Variants in MMP14 observed in about 807,000 individuals in gnomAD.
The protein encoded by MMP14 is matrix metalloproteinase-14.
Under a neutral mutation model 64.8 loss-of-function variants are expected in MMP14, and 13 were observed. That is an observed-to-expected ratio of 0.20 (90% CI 0.13 to 0.32). MMP14 has a LOEUF of 0.32. Ranked by LOEUF, MMP14 falls within the 10% of genes least tolerant of loss-of-function variation. The probability of loss-of-function intolerance (pLI) is 1.00; values close to 1 mark genes in which losing one functional copy is unlikely to be tolerated. For missense variants in MMP14, 594 were observed against 783.8 expected (o/e 0.76, Z 2.89); for synonymous variants, 322 against 315.9 (o/e 1.02, Z -0.20).
In MMP14 at chr14:22,838,101, C is replaced by A. The variant is rs1030595644; in HGVS notation, c.108+1176C>A. ...TCTGGGGCCGACTGGAAAAGTATGG[C>A]CCCAGGAATCGGGGTGGAAGACGAA... On this transcript the variant is annotated intron_variant, in intron 1 of 9. Transcript: ENST00000311852. Among the ~76,000 whole-genome samples the A allele has an allele frequency of 3.3e-5, 5 of 152,290 alleles. No individual in the cohort carries two copies. In the South Asian group the frequency reaches 1.0e-3, roughly 32 times the overall value.
Position 22,843,804 on chromosome 14 carries a change from G to A in MMP14, c.945G>A (p.Gly315=), listed in dbSNP as rs1230994025. Residue 315 remains glycine (G), a synonymous_variant, in exon 6 of 10, where the codon GGG becomes GGA. Coordinates refer to ENST00000311852, the MANE Select transcript of MMP14 (RefSeq NM_004995.4). This position sits in a 1 kb window ranked among gnomAD's most constrained non-coding sequence, Gnocchi z 4.8. The part of the protein sequence containing the change: ...VPDKPKNPTY[G]PNICDGNFDT... Reference sequence around the variant, plus strand: ...ATAAACCCAAAAACCCCACCTATGGGCCCAACATCTGTGACGGGAACTTTG... The same window carrying A: ...ATAAACCCAAAAACCCCACCTATGGACCCAACATCTGTGACGGGAACTTTG... 1 of 1,613,720 alleles carries A rather than the reference G, an allele frequency of 6.2e-7. No homozygotes were observed. Among genetic ancestry groups the A allele is most frequent in the Non-Finnish European group, 8.5e-7 (1 of 1,179,930 alleles).
At position 22,837,050 on chromosome 14, in the gene MMP14, G is replaced by T. The variant is rs369091683; in HGVS notation, c.108+125G>T. On this transcript the variant is annotated intron_variant, in intron 1 of 9. Coordinates refer to ENST00000311852, the MANE Select transcript of MMP14 (RefSeq NM_004995.4). ...GGATCTCCGCTGCTCAGGCCTGCAG[G>T]ATTCCCCCTCCCTTTCTTTTTCCTC... 1.2e-5 allele frequency: 9 copies of T among 749,700 alleles called. 1 individual carries two copies. The highest frequency in any genetic ancestry group is 6.3e-5 in the Admixed American group (3 of 47,314). The allele number at this position is 749,700 out of a possible 1,614,324, so 46.4% of individuals were successfully genotyped here. A position where few individuals can be genotyped will look rare whatever the true frequency, so the allele number is the denominator to read the frequency against.
At position 22,842,206 on chromosome 14, in the gene MMP14, G is replaced by T; in HGVS notation, c.380+171G>T. The T allele has an allele frequency of 1.9e-6, 2 of 1,060,790 alleles. No individual in the cohort carries two copies. The highest frequency in any genetic ancestry group is 2.7e-6 in the Non-Finnish European group (2 of 735,082). 65.7% of individuals were successfully genotyped at this position (1,060,790 alleles called of 1,614,324 possible). A position where few individuals can be genotyped will look rare whatever the true frequency, so the allele number is the denominator to read the frequency against. Reference sequence around the variant, plus strand: ...TCCTTGAGAGAGGTGTAGCCATCAAGGGTGCACCCCAGTGCCAGAGAGCCA... The same window carrying T: ...TCCTTGAGAGAGGTGTAGCCATCAATGGTGCACCCCAGTGCCAGAGAGCCA... On this transcript the variant is annotated intron_variant, in intron 3 of 9. Transcript: ENST00000311852. The surrounding 1 kb of genome is among the most constrained non-coding windows in gnomAD (Gnocchi z 5.3).
At position 22,845,251 on chromosome 14, in the gene MMP14, G is replaced by T. The variant is rs779735411; in HGVS notation, c.1302G>T (p.Lys434Asn). ...NGKTYFFRGN[K>N]YYRFNEELRA... ...CTGCCCTTCCTTTCCCCTTCCCCAGGTACTACCGTTTCAACGAAGAGCTCA... is the reference window on the plus strand; with the variant it reads ...CTGCCCTTCCTTTCCCCTTCCCCAGTTACTACCGTTTCAACGAAGAGCTCA... Residue 434 changes from lysine to asparagine, a missense_variant and splice_region_variant, in exon 9 of 10, where the codon AAG becomes AAT. By Grantham distance (94) the Lys-to-Asn change is moderately conservative. Transcript: ENST00000311852. 1 of 1,612,266 alleles carries T rather than the reference G, an allele frequency of 6.2e-7. No homozygotes were observed. The highest frequency in any genetic ancestry group is 1.1e-5 in the South Asian group (1 of 90,970).
At position 22,845,233 on chromosome 14, in the gene MMP14, T is replaced by G. The variant is rs753747016; in HGVS notation, c.1302-18T>G. 8 of 1,598,172 alleles carry G rather than the reference T, an allele frequency of 5.0e-6. No homozygotes were observed. The East Asian group carries it at 1.6e-4, about 31-fold the overall frequency. On this transcript the variant is annotated intron_variant, in intron 8 of 9. Transcript: ENST00000311852. ...CATGCCCAGTGTCCGCCACTGCCCT[T>G]CCTTTCCCCTTCCCCAGGTACTACC...
chr14:22,839,440 G>T (rs1014137457), intron 1 of MMP14, among the ~76,000 whole-genome samples: 3 of 152,238 alleles, frequency 2.0e-5, no homozygotes, highest in African/African-American at 7.2e-5. Flanking sequence ...GGCTCCCTCT[G>T]GTATACCAAA....
rs1172287069 is a variant in MMP14 at position 22,836,782 on chromosome 14, G to T, written c.-36G>T. ...CCCAGGGCGTGGGCCCGGCCGCGGA[G>T]CCCACACTGCCCGGCTGACCCGGTG... is the stretch of plus-strand genomic sequence containing the variant. On this transcript the variant is annotated 5_prime_UTR_variant, in exon 1 of 10. Transcript: ENST00000311852. 1 of 1,431,316 alleles carries T rather than the reference G, an allele frequency of 7.0e-7. No homozygotes were observed. Among genetic ancestry groups the T allele is most frequent in the South Asian group, 1.3e-5 (1 of 78,782 alleles). 88.7% of individuals were successfully genotyped at this position (1,431,316 alleles called of 1,614,324 possible).
chr14:22,844,211 CG>C (rs568069879), intron 6 of MMP14, among the ~76,000 whole-genome samples, 159 bp from the exon 7 acceptor site: 3 of 149,212 alleles, frequency 2.0e-5, no homozygotes, highest in Admixed American at 6.7e-5. Context: ...AAAAAAAAGG[CG>C]GGGGGGTACT....
At position 22,846,119 on chromosome 14, in the gene MMP14, C is replaced by A; in HGVS notation, c.*80C>A. The A allele has an allele frequency of 7.5e-7, 1 of 1,336,556 alleles. No homozygotes were observed. The highest frequency in any genetic ancestry group is 9.9e-7 in the Non-Finnish European group (1 of 1,007,734). The allele number at this position is 1,336,556 out of a possible 1,614,324, so 82.8% of individuals were successfully genotyped here. A position where few individuals can be genotyped will look rare whatever the true frequency, so the allele number is the denominator to read the frequency against. On this transcript the variant is annotated 3_prime_UTR_variant, in exon 10 of 10. Transcript: ENST00000311852. ...GTGGCAGCAGGTGGTGGTGGGTGGG[C>A]TGTTCCCATCGTCCCGAGCCCCCTC...
At chr14:22,840,124 G>A (rs1244906181) in intron 1 of MMP14, among the ~76,000 whole-genome samples, 5 of 151,906 alleles carry the variant, frequency 3.3e-5, no homozygotes, top group African/African-American at 7.3e-5. Flanking sequence ...CCACCACCAC[G>A]TGCAGCTAAT....
rs1330849971 is a variant in MMP14 at position 22,846,904 on chromosome 14, C to G, written c.*865C>G. On this transcript the variant is annotated 3_prime_UTR_variant, in exon 10 of 10. Transcript: ENST00000311852. ...TGAAGGCCACAGAGAAAGAACCTTG[C>G]CCAAACTCAGGCAGCTGGGGCTGAG... is the stretch of plus-strand genomic sequence containing the variant. 6.6e-6 allele frequency: 1 copy of G among 152,614 alleles called. No individual in the cohort carries two copies. The highest frequency in any genetic ancestry group is 6.5e-5 in the Admixed American group (1 of 15,290). 9.5% of individuals were successfully genotyped at this position (152,614 alleles called of 1,614,324 possible).
rs1357698185 is a variant in MMP14 at position 22,843,542 on chromosome 14, A to G, written c.850+124A>G. On this transcript the variant is annotated intron_variant, in intron 5 of 9. Transcript: ENST00000311852. This position sits in a 1 kb window ranked among gnomAD's most constrained non-coding sequence, Gnocchi z 4.8. The stretch of plus-strand genomic sequence containing the variant: ...CCCCTGCCAACCTGCCCCTGCCTCT[A>G]TCAGCTCCACTTTTGAGCCCATCTT... 1.4e-6 allele frequency: 2 copies of G among 1,401,126 alleles called. No individual in the cohort carries two copies. The highest frequency in any genetic ancestry group is 1.9e-6 in the Non-Finnish European group (2 of 1,028,044). 86.8% of individuals were successfully genotyped at this position (1,401,126 alleles called of 1,614,324 possible).
In MMP14 at chr14:22,846,298, A is replaced by G; in HGVS notation, c.*259A>G. 1 of 496,386 alleles carries G rather than the reference A, an allele frequency of 2.0e-6. No individual in the cohort carries two copies. Among genetic ancestry groups the G allele is most frequent in the Non-Finnish European group, 3.5e-6 (1 of 282,102 alleles). 30.7% of individuals were successfully genotyped at this position (496,386 alleles called of 1,614,324 possible). ...TTTCCAGCCTCTGCCCCTCAGGGGAACCCTGTAGCTTTGTGTCTGTCCAGC... is the reference window on the plus strand; with the variant it reads ...TTTCCAGCCTCTGCCCCTCAGGGGAGCCCTGTAGCTTTGTGTCTGTCCAGC... On this transcript the variant is annotated 3_prime_UTR_variant, in exon 10 of 10. Transcript: ENST00000311852.
chr14:22,837,091 C>G lies in MMP14; in HGVS notation c.108+166C>G, dbSNP rs1357031006. 1.4e-5 allele frequency: 10 copies of G among 702,926 alleles called. 1 individual carries two copies. Among genetic ancestry groups the G allele is most frequent in the Non-Finnish European group, 2.3e-5 (9 of 389,512 alleles). The allele number at this position is 702,926 out of a possible 1,614,324, so 43.5% of individuals were successfully genotyped here. A position where few individuals can be genotyped will look rare whatever the true frequency, so the allele number is the denominator to read the frequency against. ...CTTTTTCCTCTTCGTCTCCAAACTT[C>G]CAGATCGATCCAACTTTTGCCCGCT... On this transcript the variant is annotated intron_variant, in intron 1 of 9. Coordinates refer to ENST00000311852, the MANE Select transcript of MMP14 (RefSeq NM_004995.4).
chr14:22,840,669 C>T (rs2039766756), intron 1 of MMP14, among the ~76,000 whole-genome samples: 1 of 151,956 alleles, frequency 6.6e-6, no homozygotes, highest in African/African-American at 2.4e-5. Context: ...CCACCGTGCC[C>T]GGCTAATATT....
chr14:22,841,473 A>T lies in MMP14; in HGVS notation c.109-18A>T. 6.2e-7 allele frequency: 1 copy of T among 1,612,380 alleles called. No homozygotes were observed. The highest frequency in any genetic ancestry group is 2.2e-5 in the East Asian group (1 of 44,862). On this transcript the variant is annotated intron_variant, in intron 1 of 9. Transcript: ENST00000311852. ...GGGCCAGGTGGGGACACTCTAAGCC[A>T]TACCCCTTTCCCTACAGGCCTGGCT...
At position 22,845,853 on chromosome 14, in the gene MMP14, G is replaced by A. The variant is rs1156362088; in HGVS notation, c.1563G>A (p.Glu521=). The change falls in exon 10 of 10, where the codon GAG becomes GAA. Residue 521 remains glutamate, a synonymous_variant. Coordinates refer to ENST00000311852, the MANE Select transcript of MMP14 (RefSeq NM_004995.4). ...GGCCGGATGAGGGGACTGAGGAGGA[G>A]ACGGAGGTGATCATCATTGAGGTGG... is the stretch of plus-strand genomic sequence containing the variant. ...GGRPDEGTEE[E]TEVIIIEVDE... 1 of 1,614,062 alleles carries A rather than the reference G, an allele frequency of 6.2e-7. No homozygotes were observed. The highest frequency in any genetic ancestry group is 2.2e-5 in the East Asian group (1 of 44,892).
chr14:22,841,799 C>T, intron 2 of MMP14, 114 bp from the exon 3 acceptor site: 1 of 1,563,342 alleles, frequency 6.4e-7, no homozygotes, highest in Admixed American at 1.7e-5. Context: ...GACCTCATAA[C>T]CTTGGCCTTT....
Position 22,842,038 on chromosome 14 carries a change from G to C in MMP14, c.380+3G>C. 6.2e-7 allele frequency: 1 copy of C among 1,614,162 alleles called. No homozygotes were observed. The highest frequency in any genetic ancestry group is 1.3e-5 in the African/African-American group (1 of 75,054). ...CAACATAATGAAATCACTTTCTGGT[G>C]AGTCCAACAGGCAAGCAACCTTTCT... On this transcript the variant is annotated splice_donor_region_variant and intron_variant, in intron 3 of 9. Coordinates refer to ENST00000311852, the MANE Select transcript of MMP14 (RefSeq NM_004995.4). The surrounding 1 kb of genome is among the most constrained non-coding windows in gnomAD (Gnocchi z 5.3).
Sources: gnomAD v4.1 joint callset for allele counts (sites outside exome capture counted in the v4.1 genomes callset) on GRCh38, gnomAD v4.1.1 for gene constraint, Gnocchi (gnomAD v3.1) non-coding constraint, MANE v1.5 for transcripts, NCBI Gene and HGNC (gene_info 2026-07-23, HGNC 2026-07-21) for gene names.